LYZL4: variants seen among roughly 807,000 people sequenced by gnomAD.
The protein encoded by LYZL4 is lysozyme like 4, also known as lysozyme-like protein 4.
LYZL4 carries 13 observed loss-of-function variants against 17.6 expected under a neutral mutation model. That is an observed-to-expected ratio of 0.74 (90% confidence interval 0.48 to 1.18). LYZL4 has a LOEUF of 1.18. Among genes scored for constraint, LYZL4 ranks in the 50% most tolerant of loss-of-function variants. LYZL4 has a pLI of 0.00. For missense variants in LYZL4, 174 were observed against 188.2 expected, an observed-to-expected ratio of 0.92 and a Z score of 0.44; for synonymous variants, 64 against 67.7, an observed-to-expected ratio of 0.95 and a Z score of 0.27.
intron 1 of LYZL4, among the ~76,000 whole-genome samples, chr3:42,409,336 C>T (rs986425286): frequency 3.9e-5 from 6 of 152,128 alleles, no homozygotes; most frequent in Non-Finnish European, 8.8e-5. Flanking sequence ...TGGTTGCACC[C>T]CTGCCCTTTT....
chr3:42,372,879 C>A, the LYZL4 span, among the ~76,000 whole-genome samples: 3 of 152,110 alleles, frequency 2.0e-5, no homozygotes, highest in Non-Finnish European at 4.4e-5. Flanking sequence ...CAGGAGAAAC[C>A]AGGGCTGTCA....
the LYZL4 span, among the ~76,000 whole-genome samples, chr3:42,385,562 A>T: frequency 6.6e-6 from 1 of 152,222 alleles, no homozygotes; most frequent in Non-Finnish European, 1.5e-5. Flanking sequence ...CCACATCATT[A>T]AGTAAGGCAT....
chr3:42,409,655 AG>A (rs1698828524), intron 1 of LYZL4, among the ~76,000 whole-genome samples: 1 of 152,186 alleles, frequency 6.6e-6, no homozygotes, highest in South Asian at 2.1e-4. Flanking sequence ...ATCACCTCTA[AG>A]GTGGAGACTT....
chr3:42,402,136 T>TAAAAAAA (rs61260579), intron 4 of LYZL4, among the ~76,000 whole-genome samples: 1 of 124,096 alleles, frequency 8.1e-6, no homozygotes, highest in African/African-American at 3.1e-5. Context: ...TTGAGAAGGT[T>TAAAAAAA]AAAAAAAAAA....
At chr3:42,382,852 T>C in the LYZL4 span, among the ~76,000 whole-genome samples, 1 of 152,160 alleles carries the variant, frequency 6.6e-6, no homozygotes, top group African/African-American at 2.4e-5. Context: ...GCACCTGCTG[T>C]AGCAGACCCT....
chr3:42,383,526 A>C, the LYZL4 span, among the ~76,000 whole-genome samples: 9 of 152,246 alleles, frequency 5.9e-5, no homozygotes, highest in Middle Eastern at 3.4e-3. Context: ...TGAAAGCTCC[A>C]ATCAGCTTCT....
the LYZL4 span, among the ~76,000 whole-genome samples, chr3:42,370,060 C>T: frequency 6.6e-6 from 1 of 152,116 alleles, no homozygotes. Context: ...CGCTGTGAAG[C>T]TGGGGGATAA....
chr3:42,376,215 T>C, the LYZL4 span, among the ~76,000 whole-genome samples: 1 of 152,290 alleles, frequency 6.6e-6, no homozygotes, highest in South Asian at 2.1e-4. Flanking sequence ...AGGCCTGCAG[T>C]GGAATCCACC....
downstream of LYZL4, among the ~76,000 whole-genome samples, chr3:42,392,956 G>A (rs1698504775): frequency 6.6e-6 from 1 of 152,166 alleles, no homozygotes; most frequent in Non-Finnish European, 1.5e-5. Context: ...AGATGCCAGG[G>A]TGCTGGTGAC....
At chr3:42,379,766 A>G in the LYZL4 span, among the ~76,000 whole-genome samples, 1 of 152,182 alleles carries the variant, frequency 6.6e-6, no homozygotes, top group Non-Finnish European at 1.5e-5. Context: ...TATGGACTGA[A>G]TCTTTGTGCC....
intron 3 of LYZL4, among the ~76,000 whole-genome samples, chr3:42,405,730 C>T (rs78340656): frequency 0.018 from 2,784 of 152,126 alleles, 85 homozygotes; most frequent in African/African-American, 0.063. Context: ...TTGGTTTAGC[C>T]CCAACTCAGG....
chr3:42,373,166 G>A, the LYZL4 span, among the ~76,000 whole-genome samples: 3 of 152,128 alleles, frequency 2.0e-5, no homozygotes, highest in African/African-American at 7.2e-5. Flanking sequence ...AGCTGAGATT[G>A]CACCACTGCA....
In LYZL4 at chr3:42,402,317, TTC is replaced by T. The variant is rs767776192; in HGVS notation, c.371+1727_371+1728del. Among the ~76,000 whole-genome samples the T allele has an allele frequency of 1.3e-4, 19 of 146,408 alleles. 2 individuals carry two copies. Among genetic ancestry groups the T allele is most frequent in the African/African-American group, 2.6e-4 (10 of 38,786 alleles). The stretch of plus-strand genomic sequence containing the variant: ...CAAGGCCCCATTTCTTTTCTTTTCT[TTC>T]TTTTTTTTTTTTTGAGATGTCTCTT... On this transcript the variant is annotated intron_variant, in intron 4 of 4. Coordinates refer to ENST00000287748, the MANE Select transcript of LYZL4 (RefSeq NM_144634.4).
the LYZL4 span, among the ~76,000 whole-genome samples, chr3:42,370,198 A>G: frequency 6.6e-6 from 1 of 152,166 alleles, no homozygotes; most frequent in African/African-American, 2.4e-5. Context: ...GGACTTCAGT[A>G]TACTGCAATC....
the LYZL4 span, among the ~76,000 whole-genome samples, chr3:42,364,341 CTTTT>C: frequency 1.7e-5 from 2 of 119,892 alleles, no homozygotes; most frequent in Non-Finnish European, 1.7e-5. Flanking sequence ...TTTTTCTTTT[CTTTT>C]TTTTTTTTTT....
At chr3:42,379,750 T>C in the LYZL4 span, among the ~76,000 whole-genome samples, 1 of 152,312 alleles carries the variant, frequency 6.6e-6, no homozygotes, top group Non-Finnish European at 1.5e-5. Flanking sequence ...CTCACTCCGA[T>C]CCTCTTATGG....
the LYZL4 span, among the ~76,000 whole-genome samples, chr3:42,383,142 T>G: frequency 1.3e-5 from 2 of 152,084 alleles, no homozygotes; most frequent in African/African-American, 4.8e-5. Context: ...TCAGGCACAG[T>G]TTAGGGCAGG....
the LYZL4 span, among the ~76,000 whole-genome samples, chr3:42,389,688 C>G: frequency 6.6e-6 from 1 of 152,220 alleles, no homozygotes; most frequent in South Asian, 2.1e-4. Context: ...TAGATGTTCT[C>G]TGATGCCCAA....
rs775071457 is a variant in LYZL4, at chr3:42,407,094, C to T, written c.139+19G>A. ...GGCAAGGAGGTGAGAGGAGGGAGCACTAAGTGGGGCCTACTCACAGTTCTC... is the reference window on the plus strand; with the variant it reads ...GGCAAGGAGGTGAGAGGAGGGAGCATTAAGTGGGGCCTACTCACAGTTCTC... On this transcript the variant is annotated intron_variant, in intron 2 of 4. Coordinates refer to ENST00000287748, the MANE Select transcript of LYZL4 (RefSeq NM_144634.4). The T allele has an allele frequency of 2.5e-6, 4 of 1,613,988 alleles. No individual in the cohort carries two copies. The highest frequency in any genetic ancestry group is 3.4e-6 in the Non-Finnish European group (4 of 1,179,998).
Sources: gnomAD v4.1 joint callset for allele counts (sites outside exome capture counted in the v4.1 genomes callset) on GRCh38, gnomAD v4.1.1 for gene constraint, MANE v1.5 for transcripts, NCBI Gene and HGNC (gene_info 2026-07-23, HGNC 2026-07-21) for gene names.